EXOC5: variants seen among roughly 807,000 people sequenced by gnomAD.
EXOC5 encodes the protein exocyst complex component 5.
Under a neutral mutation model 90.8 loss-of-function variants are expected in EXOC5, and 17 were observed. That is an observed-to-expected ratio of 0.19 (90% confidence interval 0.13 to 0.28). The LOEUF (loss-of-function observed/expected upper bound fraction) is 0.28. Among genes scored for constraint, EXOC5 ranks in the 10% least tolerant of loss-of-function variants. The probability of loss-of-function intolerance (pLI) is 1.00; values close to 1 mark genes in which losing one functional copy is unlikely to be tolerated. For synonymous variants in EXOC5, 260 were observed against 270.0 expected (o/e 0.96, Z 0.36); for missense variants, 569 against 830.6 (o/e 0.69, Z 3.87).
chr14:57,256,194 C>A (rs1050684204), intron 1 of EXOC5, among the ~76,000 whole-genome samples: 44 of 152,126 alleles, frequency 2.9e-4, no homozygotes, highest in African/African-American at 1.1e-3. Flanking sequence ...CCATAATGAT[C>A]AGGATGAGGC....
rs777699871 is a variant in EXOC5, at chr14:57,209,922, A to C, written c.1722+31T>G. ...GGATACACCAATGAAAATGTTAACA[A>C]AGTATTAACAAACTGAATGATTTTA... On this transcript the variant is annotated intron_variant, in intron 16 of 17. Coordinates refer to ENST00000621441, the MANE Select transcript of EXOC5 (RefSeq NM_006544.4). The C allele has an allele frequency of 5.6e-6, 7 of 1,251,400 alleles. No individual in the cohort carries two copies. The Admixed American group carries it at 1.4e-4, about 24-fold the overall frequency. The allele number at this position is 1,251,400 out of a possible 1,614,324, so 77.5% of individuals were successfully genotyped here.
chr14:57,223,797 C>G (rs1883224285), intron 12 of EXOC5, among the ~76,000 whole-genome samples: 2 of 151,764 alleles, frequency 1.3e-5, no homozygotes, highest in Non-Finnish European at 2.9e-5. Context: ...AAAGATGGAC[C>G]ATATTCTGGG....
rs557535849 is a variant in EXOC5 at position 57,249,709 on chromosome 14, G to A, written c.28-1997C>T. ...AAAATGATACAGCAAGAAGAACCAT[G>A]AAGAAAATGAAAGAGGATACAGAAT... On this transcript the variant is annotated intron_variant, in intron 1 of 17. Transcript: ENST00000621441. Among the ~76,000 whole-genome samples the A allele has an allele frequency of 9.2e-5, 14 of 152,190 alleles. 1 individual carries two copies. The South Asian group carries it at 2.9e-3, about 32-fold the overall frequency.
At chr14:57,225,733 G>A (rs1883287446) in intron 12 of EXOC5, among the ~76,000 whole-genome samples, 1 of 152,178 alleles carries the variant, frequency 6.6e-6, no homozygotes, top group South Asian at 2.1e-4. Flanking sequence ...CACAGTCTCA[G>A]GAGGTCCCGC....
intron 15 of EXOC5, among the ~76,000 whole-genome samples, chr14:57,212,671 A>T (rs548375961): frequency 6.6e-6 from 1 of 152,328 alleles, no homozygotes; most frequent in Non-Finnish European, 1.5e-5. Flanking sequence ...TGGCAAACTC[A>T]TTAAGGAATT....
chr14:57,265,425 C>T (rs1196840098), intron 1 of EXOC5, among the ~76,000 whole-genome samples: 1 of 152,082 alleles, frequency 6.6e-6, no homozygotes, highest in Admixed American at 6.6e-5. Context: ...ACATTTGCAA[C>T]AACATAAAAA....
intron 15 of EXOC5, among the ~76,000 whole-genome samples, chr14:57,216,510 A>C (rs781341468): frequency 1.3e-5 from 2 of 152,168 alleles, no homozygotes; most frequent in African/African-American, 2.4e-5. Flanking sequence ...ACTGCTCTTT[A>C]ACAAGGGTGC....
rs1441144689 is a variant in EXOC5, at chr14:57,202,252, G to C, written c.*6357C>G. ...AAAGACTGTGGAACTGTGTCAGAAT[G>C]AATGAGACTAGAGCCACTACAACCT... On this transcript the variant is annotated 3_prime_UTR_variant, in exon 18 of 18. Coordinates refer to ENST00000621441, the MANE Select transcript of EXOC5 (RefSeq NM_006544.4). 1.3e-5 allele frequency: 2 copies of C among 152,066 alleles called. No homozygotes were observed. The allele number at this position is 152,066 out of a possible 1,614,324, so 9.4% of individuals were successfully genotyped here.
intron 15 of EXOC5, among the ~76,000 whole-genome samples, chr14:57,213,094 G>GT (rs771114142): frequency 1.2e-4 from 18 of 152,028 alleles, no homozygotes; most frequent in African/African-American, 1.7e-4. Context: ...TTTGATAAAC[G>GT]TAAGTGCTGC....
rs1882702978 is a variant in EXOC5 at position 57,207,770 on chromosome 14, CTTTTTTTTACTTCCCTTATAATATTAAAA to C, written c.*810_*838del. ...TATGCACCATTTAGACTATACCTCA[CTTTTTTTTACTTCCCTTATAATATTAAAA>C]TAATGAATAAATATGGTCCTTTAGT... is the stretch of plus-strand genomic sequence containing the variant. On this transcript the variant is annotated 3_prime_UTR_variant, in exon 18 of 18. Transcript: ENST00000621441. The C allele has an allele frequency of 6.6e-6, 1 of 151,908 alleles. No homozygotes were observed. Among genetic ancestry groups the C allele is most frequent in the Non-Finnish European group, 1.5e-5 (1 of 67,948 alleles). The allele number at this position is 151,908 out of a possible 1,614,324, so 9.4% of individuals were successfully genotyped here.
chr14:57,210,920 C>T (rs539103170), intron 15 of EXOC5, among the ~76,000 whole-genome samples: 13 of 152,242 alleles, frequency 8.5e-5, no homozygotes, highest in Non-Finnish European at 1.8e-4. Flanking sequence ...AAAGGTTACT[C>T]TATCCTATAT....
intron 1 of EXOC5, among the ~76,000 whole-genome samples, chr14:57,250,987 T>C (rs1176764793): frequency 6.6e-6 from 1 of 152,176 alleles, no homozygotes; most frequent in Non-Finnish European, 1.5e-5. Context: ...TGAGCATGGT[T>C]GTGTATCAAT....
chr14:57,265,389 C>T (rs1884640929), intron 1 of EXOC5, among the ~76,000 whole-genome samples: 1 of 152,054 alleles, frequency 6.6e-6, no homozygotes, highest in Admixed American at 6.6e-5. Context: ...AGAATGTCCT[C>T]AGTAGTACAA....
chr14:57,205,476 A>G lies in EXOC5; in HGVS notation c.*3133T>C, dbSNP rs1474974132. 2 of 174,986 alleles carry G rather than the reference A, an allele frequency of 1.1e-5. No individual in the cohort carries two copies. The highest frequency in any genetic ancestry group is 4.8e-5 in the African/African-American group (2 of 41,612). The allele number at this position is 174,986 out of a possible 1,614,324, so 10.8% of individuals were successfully genotyped here. ...TTAGTCACCAACAAATTATGTACTG[A>G]CTGAACTGCTGTCTCTCAAACACAG... On this transcript the variant is annotated 3_prime_UTR_variant, in exon 18 of 18. Coordinates refer to ENST00000621441, the MANE Select transcript of EXOC5 (RefSeq NM_006544.4).
chr14:57,205,844 T>C lies in EXOC5; in HGVS notation c.*2765A>G, dbSNP rs1049773355. The C allele has an allele frequency of 2.2e-6, 1 of 454,474 alleles. No individual in the cohort carries two copies. Among genetic ancestry groups the C allele is most frequent in the South Asian group, 1.6e-5 (1 of 63,880 alleles). The allele number at this position is 454,474 out of a possible 1,614,324, so 28.2% of individuals were successfully genotyped here. Reference sequence around the variant, plus strand: ...TGATAGTTTTTTAAAACAAGGAAGATCCTAAGGACTTGCAACTATGGCAAT... The same window carrying C: ...TGATAGTTTTTTAAAACAAGGAAGACCCTAAGGACTTGCAACTATGGCAAT... On this transcript the variant is annotated 3_prime_UTR_variant, in exon 18 of 18. Transcript: ENST00000621441.
chr14:57,219,771 C>T (rs1023431029), intron 13 of EXOC5, among the ~76,000 whole-genome samples: 3 of 152,066 alleles, frequency 2.0e-5, no homozygotes, highest in Admixed American at 6.6e-5. Context: ...CATTGGTCTT[C>T]CTCATTCAAG....
intron 1 of EXOC5, among the ~76,000 whole-genome samples, chr14:57,251,171 T>C (rs1884179115): frequency 6.6e-6 from 1 of 152,196 alleles, no homozygotes; most frequent in African/African-American, 2.4e-5. Flanking sequence ...TTTCAGCTCT[T>C]AGCACAATAG....
intron 12 of EXOC5, among the ~76,000 whole-genome samples, chr14:57,227,466 T>G (rs1883343261): frequency 6.6e-6 from 1 of 152,160 alleles, no homozygotes; most frequent in African/African-American, 2.4e-5. Flanking sequence ...TTTTTCACCA[T>G]GAAAAAAATG....
chr14:57,223,169 C>T (rs1883205260), intron 12 of EXOC5, among the ~76,000 whole-genome samples: 1 of 152,050 alleles, frequency 6.6e-6, no homozygotes, highest in South Asian at 2.1e-4. Context: ...AGTATTTGCA[C>T]ATAGTGAGCT....
Sources: gnomAD v4.1 joint callset for allele counts (sites outside exome capture counted in the v4.1 genomes callset) on GRCh38, gnomAD v4.1.1 for gene constraint, MANE v1.5 for transcripts, NCBI Gene and HGNC (gene_info 2026-07-23, HGNC 2026-07-21) for gene names.